The following KLF12 variants were observed in gnomAD, a reference collection of about 807,000 sequenced individuals.
The protein encoded by KLF12 is Krueppel-like factor 12.
Under a neutral mutation model 37.8 loss-of-function variants are expected in KLF12, and 9 were observed. The observed-to-expected ratio is 0.24, with a 90% CI of 0.14 to 0.42. KLF12 has a LOEUF of 0.42. Ranked by LOEUF, KLF12 falls within the 10% of genes least tolerant of loss-of-function variation. The probability of loss-of-function intolerance (pLI) is 1.00; values close to 1 mark genes in which losing one functional copy is unlikely to be tolerated. For missense variants in KLF12, 411 were observed against 516.0 expected (o/e 0.80, Z 1.97); for synonymous variants, 208 against 202.1 (o/e 1.03, Z -0.25).
intron 2 of KLF12, among the ~76,000 whole-genome samples, chr13:73,954,370 T>C (rs537331688): frequency 8.7e-4 from 133 of 152,384 alleles, no homozygotes; most frequent in African/African-American, 3.1e-3. Flanking sequence ...TATGTAATTT[T>C]ATCTTCCTCT....
At chr13:73,959,882 C>T (rs1196714725) in intron 2 of KLF12, among the ~76,000 whole-genome samples, 2 of 152,100 alleles carry the variant, frequency 1.3e-5, no homozygotes, top group Non-Finnish European at 2.9e-5. Flanking sequence ...GGCAAACCAC[C>T]ACCACCTTTT....
the KLF12 span, among the ~76,000 whole-genome samples, chr13:74,304,577 G>T: frequency 6.6e-6 from 1 of 152,040 alleles, no homozygotes; most frequent in Non-Finnish European, 1.5e-5. Context: ...TAAGCTATTT[G>T]GCATTGCAGT....
At chr13:74,133,259 G>A (rs1053331005) in intron 1 of KLF12, among the ~76,000 whole-genome samples, 1 of 151,778 alleles carries the variant, frequency 6.6e-6, no homozygotes, top group Non-Finnish European at 1.5e-5. Flanking sequence ...ACACGGTCCC[G>A]GTGCGGAGCT....
the KLF12 span, among the ~76,000 whole-genome samples, chr13:74,265,165 G>T: frequency 0.01 from 1,537 of 152,226 alleles, 13 homozygotes; most frequent in Non-Finnish European, 0.017. Context: ...ATGTGATTGT[G>T]GCTTCTCTTG....
At chr13:74,161,887 A>C in the KLF12 span, among the ~76,000 whole-genome samples, 4 of 152,326 alleles carry the variant, frequency 2.6e-5, no homozygotes, top group Admixed American at 6.5e-5. Context: ...GAATCATATG[A>C]AATGCTCAAA....
intron 2 of KLF12, chr13:73,960,453 G>C (rs905526937): frequency 4.5e-6 from 1 of 221,406 alleles, no homozygotes; most frequent in African/African-American, 2.3e-5. Context: ...AGTTCAAAAT[G>C]TGAGGCAAAA....
At chr13:73,745,883 G>A (rs116821534) in intron 6 of KLF12, among the ~76,000 whole-genome samples, 3,804 of 152,240 alleles carry the variant, frequency 0.025, 176 homozygotes, top group African/African-American at 0.087. Context: ...GTTAAATGAC[G>A]TATCATTTTT....
intron 2 of KLF12, among the ~76,000 whole-genome samples, chr13:73,971,599 G>T (rs1416902063): frequency 2.0e-5 from 3 of 152,078 alleles, no homozygotes; most frequent in African/African-American, 4.8e-5. Flanking sequence ...AGCATGGTGG[G>T]TATTTCTCCT....
intron 3 of KLF12, among the ~76,000 whole-genome samples, chr13:73,880,577 C>G (rs1250242353): frequency 6.6e-6 from 1 of 152,190 alleles, no homozygotes; most frequent in Admixed American, 6.5e-5. Flanking sequence ...ATGACTCAAC[C>G]ATTCGCTTCC....
intron 1 of KLF12, among the ~76,000 whole-genome samples, chr13:74,101,050 G>A (rs1411445510): frequency 1.3e-5 from 2 of 152,140 alleles, no homozygotes; most frequent in Non-Finnish European, 2.9e-5. Context: ...CATCTATTCT[G>A]AGTGCTATTA....
intron 1 of KLF12, among the ~76,000 whole-genome samples, chr13:74,063,572 A>AG (rs1330069662): frequency 1.5e-4 from 23 of 152,356 alleles, no homozygotes; most frequent in Non-Finnish European, 3.4e-4. Flanking sequence ...ACAAGTAAGG[A>AG]GGTCAACAGA....
At chr13:74,047,113 C>T (rs1022636659) in intron 1 of KLF12, among the ~76,000 whole-genome samples, 4 of 152,116 alleles carry the variant, frequency 2.6e-5, no homozygotes, top group African/African-American at 9.7e-5. Flanking sequence ...CCAACCAGTC[C>T]TCCTCTATGC....
At chr13:73,919,533 A>C (rs1305054402) in intron 3 of KLF12, among the ~76,000 whole-genome samples, 1 of 152,162 alleles carries the variant, frequency 6.6e-6, no homozygotes, top group Non-Finnish European at 1.5e-5. Flanking sequence ...TTTTAAAAAA[A>C]GGTCTAAATT....
chr13:73,863,249 G>A (rs1237145592), intron 3 of KLF12, among the ~76,000 whole-genome samples: 1 of 152,118 alleles, frequency 6.6e-6, no homozygotes, highest in African/African-American at 2.4e-5. Context: ...CATGGGGATA[G>A]TAAAACTAAA....
At chr13:73,857,659 C>A (rs1009241864) in intron 3 of KLF12, among the ~76,000 whole-genome samples, 1 of 152,070 alleles carries the variant, frequency 6.6e-6, no homozygotes, top group Non-Finnish European at 1.5e-5. Context: ...TATATGGATG[C>A]GTAACTTTGT....
the KLF12 span, among the ~76,000 whole-genome samples, chr13:74,209,183 A>G: frequency 6.6e-6 from 1 of 152,104 alleles, no homozygotes; most frequent in East Asian, 1.9e-4. Flanking sequence ...ATTTGTATTC[A>G]ATAGATATTG....
intron 6 of KLF12, among the ~76,000 whole-genome samples, chr13:73,757,124 G>C (rs1879224656): frequency 1.3e-5 from 2 of 152,048 alleles, no homozygotes; most frequent in Admixed American, 1.3e-4. Flanking sequence ...AATTACACTT[G>C]TATCTCATAA....
chr13:74,283,010 C>T, the KLF12 span, among the ~76,000 whole-genome samples: 4 of 152,120 alleles, frequency 2.6e-5, no homozygotes, highest in African/African-American at 9.7e-5. Flanking sequence ...TTCTTTATGA[C>T]ATATTGTAAT....
At chr13:74,202,440 C>T in the KLF12 span, among the ~76,000 whole-genome samples, 1 of 152,128 alleles carries the variant, frequency 6.6e-6, no homozygotes, top group East Asian at 1.9e-4. Context: ...GACTGCAGAG[C>T]TGCTCTTGAC....
Sources: gnomAD v4.1 joint callset for allele counts (sites outside exome capture counted in the v4.1 genomes callset) on GRCh38, gnomAD v4.1.1 for gene constraint, MANE v1.5 for transcripts, NCBI Gene and HGNC (gene_info 2026-07-23, HGNC 2026-07-21) for gene names.